The following ELMO1 variants were observed in gnomAD, a reference collection of about 807,000 sequenced individuals.
The protein encoded by ELMO1 is engulfment and cell motility protein 1.
In ELMO1, 26 loss-of-function variants were observed where a neutral mutation model predicts 98.9. That is an observed-to-expected ratio of 0.26 (90% CI 0.19 to 0.36). The LOEUF is 0.36. ELMO1 is among the 10% of genes least tolerant of loss of function. The pLI is 1.00. For missense variants in ELMO1, 627 were observed against 935.2 expected (o/e 0.67, Z 4.30); for synonymous variants, 346 against 346.0 (o/e 1.00, Z 0.00).
At position 36,854,599 on chromosome 7, in the gene ELMO1, C is replaced by G. The variant is rs1802065712; in HGVS notation, c.*952G>C. On this transcript the variant is annotated 3_prime_UTR_variant, in exon 22 of 22. Coordinates refer to ENST00000310758, the MANE Select transcript of ELMO1 (RefSeq NM_014800.11). The stretch of plus-strand genomic sequence containing the variant: ...AAATTGTAAATACCAGTAATAATTA[C>G]AATGATGTAAACTTGGATGTCTGAC... 6.7e-6 allele frequency: 1 copy of G among 149,486 alleles called. No homozygotes were observed. Among genetic ancestry groups the G allele is most frequent in the African/African-American group, 2.5e-5 (1 of 40,428 alleles). The allele number at this position is 149,486 out of a possible 1,614,324, so 9.3% of individuals were successfully genotyped here.
At chr7:37,276,952 G>C (rs991105933) in intron 4 of ELMO1, among the ~76,000 whole-genome samples, 1 of 152,170 alleles carries the variant, frequency 6.6e-6, no homozygotes, top group East Asian at 1.9e-4. Flanking sequence ...TTTTACTTAT[G>C]CATCTTTTTT....
chr7:37,293,442 CAT>C (rs1349953051), intron 4 of ELMO1, among the ~76,000 whole-genome samples: 1 of 87,706 alleles, frequency 1.1e-5, no homozygotes, highest in East Asian at 2.5e-4. Context: ...CTCTCTGACA[CAT>C]GTGCTGTATC....
chr7:37,084,728 G>A (rs1157671852), intron 15 of ELMO1, among the ~76,000 whole-genome samples: 2 of 151,916 alleles, frequency 1.3e-5, no homozygotes, highest in African/African-American at 4.8e-5. Flanking sequence ...ATAAATGGCA[G>A]TGGTCTCCCT....
At position 37,161,800 on chromosome 7, in the gene ELMO1, T is replaced by C. The variant is rs549713037; in HGVS notation, c.1087-28566A>G. ...TAGGTACACTAGATAAGGTGATCAA[T>C]GCAACATTCAAATACACAGGAAACT... is the stretch of plus-strand genomic sequence containing the variant. On this transcript the variant is annotated intron_variant, in intron 13 of 21. Coordinates refer to ENST00000310758, the MANE Select transcript of ELMO1 (RefSeq NM_014800.11). 4.7e-5 allele frequency among the ~76,000 whole-genome samples: 7 copies of C among 149,482 alleles called. No homozygotes were observed. In the East Asian group the frequency reaches 1.2e-3, roughly 25 times the overall value.
intron 1 of ELMO1, among the ~76,000 whole-genome samples, chr7:37,363,890 A>G (rs1366009784): frequency 6.6e-6 from 1 of 152,118 alleles, no homozygotes; most frequent in Admixed American, 6.5e-5. Flanking sequence ...TAGAAAACCA[A>G]AGAAGCCAGG....
intron 1 of ELMO1, among the ~76,000 whole-genome samples, chr7:37,414,357 G>A (rs1804123154): frequency 6.6e-6 from 1 of 152,178 alleles, no homozygotes; most frequent in Admixed American, 6.5e-5. Flanking sequence ...ATCCGAGGGG[G>A]AAAACCCCTG....
chr7:37,415,408 G>C (rs143316441), intron 1 of ELMO1, among the ~76,000 whole-genome samples: 47 of 152,346 alleles, frequency 3.1e-4, no homozygotes, highest in African/African-American at 1.1e-3. Context: ...TAGGGTTTAA[G>C]AGCATAGTTC....
intron 16 of ELMO1, among the ~76,000 whole-genome samples, chr7:36,954,105 A>C (rs1788239695): frequency 6.6e-6 from 1 of 152,164 alleles, no homozygotes; most frequent in Non-Finnish European, 1.5e-5. Flanking sequence ...GCATCTACAT[A>C]CAAGTTCCTG....
chr7:36,857,955 C>G (rs767351694), intron 21 of ELMO1, among the ~76,000 whole-genome samples: 46 of 152,200 alleles, frequency 3.0e-4, no homozygotes, highest in Non-Finnish European at 5.9e-4. Flanking sequence ...ACTCAGATGC[C>G]AACCCAATGG....
chr7:37,419,637 G>T (rs1804386619), intron 1 of ELMO1: 2 of 153,524 alleles, frequency 1.3e-5, no homozygotes, highest in African/African-American at 4.8e-5. Context: ...AGGCCTCCTG[G>T]TGCTTACCAA....
chr7:37,157,968 T>C (rs202024171), intron 13 of ELMO1, among the ~76,000 whole-genome samples: 31 of 147,662 alleles, frequency 2.1e-4, no homozygotes, highest in South Asian at 6.5e-4. Context: ...TATAGACCAA[T>C]GGAACAGAAC....
intron 1 of ELMO1, among the ~76,000 whole-genome samples, chr7:37,387,496 C>T (rs1172103036): frequency 1.3e-5 from 2 of 152,188 alleles, no homozygotes; most frequent in East Asian, 3.9e-4. Flanking sequence ...GCCGACCCTA[C>T]TCCAGTATGA....
chr7:37,331,163 T>C (rs1424163263), intron 2 of ELMO1, among the ~76,000 whole-genome samples: 1 of 140,348 alleles, frequency 7.1e-6, no homozygotes, highest in Non-Finnish European at 1.6e-5. Flanking sequence ...AGGGAAAAAC[T>C]ACTGCATTTT....
intron 2 of ELMO1, among the ~76,000 whole-genome samples, chr7:37,330,568 A>G (rs2131192749): frequency 6.6e-6 from 1 of 152,284 alleles, no homozygotes; most frequent in Non-Finnish European, 1.5e-5. Context: ...CATCAATCAG[A>G]ATATGTTTCT....
At chr7:37,178,620 A>AG (rs1190308203) in intron 13 of ELMO1, among the ~76,000 whole-genome samples, 3 of 33,538 alleles carry the variant, frequency 8.9e-5, no homozygotes, top group South Asian at 1.3e-3. Context: ...TTTTTTAATT[A>AG]GAAAAAAAAC....
intron 7 of ELMO1, among the ~76,000 whole-genome samples, chr7:37,242,578 T>C (rs1307421483): frequency 1.3e-5 from 2 of 152,228 alleles, no homozygotes; most frequent in Non-Finnish European, 2.9e-5. Flanking sequence ...TTTGTTCCTC[T>C]GAAGAGTGAT....
chr7:37,013,414 A>G lies in ELMO1; in HGVS notation c.1322T>C (p.Phe441Ser), dbSNP rs756673995. The G allele has an allele frequency of 6.2e-7, 1 of 1,614,090 alleles. No individual in the cohort carries two copies. The highest frequency in any genetic ancestry group is 1.1e-5 in the South Asian group (1 of 91,084). The change falls in exon 16 of 22, where the codon TTC becomes TCC. Residue 441 changes from phenylalanine to serine, a missense_variant. Coordinates refer to ENST00000310758, the MANE Select transcript of ELMO1 (RefSeq NM_014800.11). The part of the protein sequence containing the change: ...GELPSETCND[F>S]HPMFFTHDRS... ...GTCGTGGGTGAAGAACATCGGGTGGAAGTCGTTGCAGGTCTCACTAGCTGG... is the reference window on the plus strand; with the variant it reads ...GTCGTGGGTGAAGAACATCGGGTGGGAGTCGTTGCAGGTCTCACTAGCTGG...
chr7:36,921,057 C>G (rs1785110707), intron 16 of ELMO1, among the ~76,000 whole-genome samples: 1 of 152,176 alleles, frequency 6.6e-6, no homozygotes, highest in Non-Finnish European at 1.5e-5. Flanking sequence ...TTAGTCCCTT[C>G]CACCATGTGA....
chr7:37,296,438 G>A lies in ELMO1; in HGVS notation c.192+18412C>T, dbSNP rs374063174. On this transcript the variant is annotated intron_variant, in intron 4 of 21. Transcript: ENST00000310758. ...CTTCTTTTAAAAGTCTATCTGATTA[G>A]GTCAGGCCTACCAAGATATTCTCCC... Among the ~76,000 whole-genome samples the A allele has an allele frequency of 7.2e-5, 11 of 152,260 alleles. No homozygotes were observed. The South Asian group carries it at 8.3e-4, about 12-fold the overall frequency.
Sources: gnomAD v4.1 joint callset for allele counts (sites outside exome capture counted in the v4.1 genomes callset) on GRCh38, gnomAD v4.1.1 for gene constraint, MANE v1.5 for transcripts, NCBI Gene and HGNC (gene_info 2026-07-23, HGNC 2026-07-21) for gene names.